The following RBFOX1 variants were observed in gnomAD, a reference collection of about 807,000 sequenced individuals.
RBFOX1 encodes RNA binding fox-1 homolog 1.
A neutral mutation model predicts 57.7 loss-of-function variants in RBFOX1; 8 were observed. That is an observed-to-expected ratio of 0.14 (90% CI 0.08 to 0.25). The LOEUF (loss-of-function observed/expected upper bound fraction) is 0.25, where lower values mean the gene tolerates loss of function less well. Among genes scored for constraint, RBFOX1 ranks in the 10% least tolerant of loss-of-function variants. The pLI is 1.00. For synonymous variants in RBFOX1, 326 were observed against 222.4 expected (o/e 1.47, Z -4.15); for missense variants, 611 against 548.5 (o/e 1.11, Z -1.14).
intron 2 of RBFOX1, among the ~76,000 whole-genome samples, chr16:6,557,150 CACATATATATACACAT>C (rs2097115586): frequency 6.9e-6 from 1 of 144,570 alleles, no homozygotes; most frequent in African/African-American, 2.6e-5. Flanking sequence ...CATATATACA[CACATATATATACACAT>C]ATATATATAT....
chr16:5,742,492 A>T (rs1450927154), intron 3 of RBFOX1, among the ~76,000 whole-genome samples: 2 of 152,082 alleles, frequency 1.3e-5, no homozygotes, highest in Non-Finnish European at 2.9e-5. Context: ...AGGCTTCTAC[A>T]CTGGGAAGCT....
chr16:5,754,655 G>C (rs1354106322), intron 3 of RBFOX1, among the ~76,000 whole-genome samples: 8 of 112,304 alleles, frequency 7.1e-5, no homozygotes, highest in East Asian at 5.1e-4. Flanking sequence ...CGTGAACAAA[G>C]GTCTTGGCAT....
At chr16:6,444,571 C>T (rs550345004) in intron 2 of RBFOX1, among the ~76,000 whole-genome samples, 2 of 152,256 alleles carry the variant, frequency 1.3e-5, no homozygotes, top group African/African-American at 4.8e-5. Context: ...ACTTATTCCT[C>T]TTTGCCTTCT....
chr16:5,430,666 C>G (rs1048021408), intron 1 of RBFOX1, among the ~76,000 whole-genome samples: 10 of 152,214 alleles, frequency 6.6e-5, no homozygotes, highest in African/African-American at 2.4e-4. Context: ...AGCTCAGGGC[C>G]TGGTCAAGGT....
At position 5,735,695 on chromosome 16, in the gene RBFOX1, G is replaced by C. The variant is rs530529967; in HGVS notation, c.319-131608G>C. 8.5e-5 allele frequency among the ~76,000 whole-genome samples: 13 copies of C among 152,244 alleles called. No individual in the cohort carries two copies. In the South Asian group the frequency reaches 2.7e-3, roughly 32 times the overall value. On this transcript the variant is annotated intron_variant, in intron 3 of 19. Coordinates refer to the RBFOX1 transcript ENST00000641259. ...GTGGGTCACCTGAGGTCAGGAGTTTGAGACCACCCTGGTCAACATGGTGAA... is the reference window on the plus strand; with the variant it reads ...GTGGGTCACCTGAGGTCAGGAGTTTCAGACCACCCTGGTCAACATGGTGAA...
chr16:7,315,805 C>T (rs945195015), intron 4 of RBFOX1, among the ~76,000 whole-genome samples: 4 of 152,062 alleles, frequency 2.6e-5, no homozygotes, highest in East Asian at 1.9e-4. Context: ...TATTTGAATT[C>T]GTGAGTGTCT....
chr16:5,776,786 G>T (rs2054163522), intron 3 of RBFOX1, among the ~76,000 whole-genome samples: 1 of 152,160 alleles, frequency 6.6e-6, no homozygotes, highest in Non-Finnish European at 1.5e-5. Context: ...CAGGTATGAA[G>T]ATGTGTCTAC....
At chr16:5,404,481 G>T (rs1169680750) in intron 1 of RBFOX1, among the ~76,000 whole-genome samples, 3 of 152,182 alleles carry the variant, frequency 2.0e-5, no homozygotes, top group African/African-American at 7.2e-5. Flanking sequence ...TCTGTGGACT[G>T]CACTTTGTAG....
At chr16:7,548,929 T>A (rs1469743768) in intron 5 of RBFOX1, among the ~76,000 whole-genome samples, 1 of 152,180 alleles carries the variant, frequency 6.6e-6, no homozygotes, top group Non-Finnish European at 1.5e-5. Context: ...TGGAAGAATG[T>A]TGAACATGCA....
chr16:6,061,150 T>G (rs1410298181), intron 1 of RBFOX1, among the ~76,000 whole-genome samples: 1 of 152,072 alleles, frequency 6.6e-6, no homozygotes, highest in Non-Finnish European at 1.5e-5. Flanking sequence ...CAGAGGAGGG[T>G]CATGGTTGCT....
intron 4 of RBFOX1, among the ~76,000 whole-genome samples, chr16:5,885,939 G>A (rs1349462358): frequency 1.3e-5 from 2 of 152,128 alleles, no homozygotes; most frequent in Non-Finnish European, 2.9e-5. Context: ...CCAGGTGGGA[G>A]GTGATTGGGT....
intron 3 of RBFOX1, among the ~76,000 whole-genome samples, chr16:6,714,095 T>C (rs1428025206): frequency 2.0e-5 from 3 of 152,178 alleles, no homozygotes; most frequent in Admixed American, 2.0e-4. Context: ...AGTAAGTGAA[T>C]TTTCACAAGA....
chr16:5,630,371 C>T (rs892688126), intron 3 of RBFOX1, among the ~76,000 whole-genome samples: 3 of 151,980 alleles, frequency 2.0e-5, no homozygotes, highest in African/African-American at 7.3e-5. Context: ...GGAGGAGAAT[C>T]GTTTGAACCC....
chr16:6,270,035 A>T (rs1218879102), intron 1 of RBFOX1, among the ~76,000 whole-genome samples: 1 of 152,198 alleles, frequency 6.6e-6, no homozygotes, highest in Admixed American at 6.5e-5. Flanking sequence ...CAAGTTATGT[A>T]TGTATATTGC....
At chr16:5,836,063 A>G (rs2056446704) in intron 3 of RBFOX1, among the ~76,000 whole-genome samples, 1 of 152,188 alleles carries the variant, frequency 6.6e-6, no homozygotes, top group Non-Finnish European at 1.5e-5. Flanking sequence ...GTGTGAGGCA[A>G]TTTAGCAAAT....
intron 4 of RBFOX1, among the ~76,000 whole-genome samples, chr16:5,987,957 C>G (rs934655795): frequency 6.6e-6 from 1 of 152,082 alleles, no homozygotes; most frequent in Non-Finnish European, 1.5e-5. Context: ...TCAGAGAGGT[C>G]GCTTGATTTT....
intron 3 of RBFOX1, among the ~76,000 whole-genome samples, chr16:7,005,449 G>A (rs766797989): frequency 1.3e-5 from 2 of 152,320 alleles, no homozygotes; most frequent in African/African-American, 4.8e-5. Flanking sequence ...TCTGGGTTAT[G>A]TCTAGAAAGA....
intron 2 of RBFOX1, among the ~76,000 whole-genome samples, chr16:6,470,922 A>T (rs1232933723): frequency 6.6e-6 from 1 of 152,002 alleles, no homozygotes; most frequent in African/African-American, 2.4e-5. Context: ...CTTTGTGCAA[A>T]CCCTCATCAT....
At chr16:5,247,722 C>T (rs1208035948) in intron 1 of RBFOX1, among the ~76,000 whole-genome samples, 1 of 152,164 alleles carries the variant, frequency 6.6e-6, no homozygotes, top group East Asian at 1.9e-4. Flanking sequence ...CAATGCTGAA[C>T]TATTTACCAT....
Sources: gnomAD v4.1 joint callset for allele counts (sites outside exome capture counted in the v4.1 genomes callset) on GRCh38, gnomAD v4.1.1 for gene constraint, MANE v1.5 for transcripts, NCBI Gene and HGNC (gene_info 2026-07-23, HGNC 2026-07-21) for gene names.